ERAP2: variants seen among roughly 807,000 people sequenced by gnomAD.
ERAP2 encodes the protein endoplasmic reticulum aminopeptidase 2, also known as leukocyte-derived arginine aminopeptidase.
A neutral mutation model predicts 111.1 loss-of-function variants in ERAP2; 118 were observed. The ratio of observed to expected loss-of-function variants is 1.06; its 90% CI spans 0.92 to 1.24. The LOEUF is 1.24. ERAP2 is among the 50% of genes most tolerant of loss of function. The probability of loss-of-function intolerance (pLI) is 0.00; values close to 1 mark genes in which losing one functional copy is unlikely to be tolerated. For synonymous variants in ERAP2, 410 were observed against 401.2 expected, an observed-to-expected ratio of 1.02 and a Z score of -0.26; for missense variants, 1,131 against 1,125.8, an observed-to-expected ratio of 1.00 and a Z score of -0.07.
chr5:96,889,423 G>GA, intron 5 of ERAP2, 118 bp downstream of exon 5: 1 of 1,172,856 alleles, frequency 8.5e-7, no homozygotes, highest in Non-Finnish European at 1.3e-6. Context: ...GTTAGCTCAG[G>GA]AAAAAATAAT....
intron 18 of ERAP2, 154 bp downstream of exon 18, chr5:96,915,923 G>T: frequency 1.8e-6 from 1 of 549,066 alleles, no homozygotes; most frequent in South Asian, 2.6e-5. Context: ...GAAGGGACAG[G>T]ATTAAAACCT....
intron 13 of ERAP2, among the ~76,000 whole-genome samples, chr5:96,907,339 A>G: frequency 6.6e-6 from 1 of 152,372 alleles, no homozygotes; most frequent in East Asian, 1.9e-4. Flanking sequence ...TAAAAGAAAT[A>G]GGCAACTATA....
chr5:96,881,408 G>A, intron 2 of ERAP2: 1 of 456,144 alleles, frequency 2.2e-6, no homozygotes, highest in Non-Finnish European at 4.4e-6. Context: ...TGTGAGGTGA[G>A]GGAAATAGAA....
chr5:96,905,486 C>G (rs1785960824), intron 13 of ERAP2, among the ~76,000 whole-genome samples: 1 of 152,040 alleles, frequency 6.6e-6, no homozygotes, highest in Non-Finnish European at 1.5e-5. Context: ...TATAAGAAAA[C>G]AATTTAAAGC....
At chr5:96,908,927 T>C in intron 13 of ERAP2, 34 bp from the exon 14 acceptor site, 1 of 1,591,170 alleles carries the variant, frequency 6.3e-7, no homozygotes, top group African/African-American at 1.4e-5. Context: ...CTATAAGATA[T>C]GCACAAACCA....
At position 96,909,633 on chromosome 5, in the gene ERAP2, C is replaced by G; in HGVS notation, c.2223C>G (p.Asp741Glu). The G allele has an allele frequency of 2.5e-6, 4 of 1,614,144 alleles. No homozygotes were observed. The highest frequency in any genetic ancestry group is 3.4e-6 in the Non-Finnish European group (4 of 1,180,032). ...KPVIDRQSWS[D>E]KGSVWDRMLR... ...TGATTGACAGGCAAAGCTGGAGTGA[C>G]AAGGGCTCAGTCTGGGACAGGATGC... is the stretch of plus-strand genomic sequence containing the variant. Residue 741 changes from aspartate to glutamate, a missense_variant, in exon 15 of 19, where the codon GAC becomes GAG. Transcript: ENST00000437043.
In ERAP2 at chr5:96,913,387, G is replaced by T; in HGVS notation, c.2587G>T (p.Ala863Ser). ...CTTGGCAGCTCTCCTTCATGCGATT[G>T]CCAGACGTCCAAAGGGGCAGCAACT... Reference protein sequence around the residue: ...QNLAALLHAIARRPKGQQLAW... With the variant: ...QNLAALLHAISRRPKGQQLAW... The change falls in exon 17 of 19, where the codon GCC becomes TCC. Residue 863 changes from alanine to serine, a missense_variant. Ala to Ser is a moderately conservative substitution (Grantham distance 99). This residue lies in a region of ERAP2 where 279 missense variants were observed against 250.9 expected (regional missense o/e 1.11). Transcript: ENST00000437043. The T allele has an allele frequency of 6.2e-7, 1 of 1,614,082 alleles. No individual in the cohort carries two copies. Among genetic ancestry groups the T allele is most frequent in the Non-Finnish European group, 8.5e-7 (1 of 1,179,950 alleles).
At position 96,917,451 on chromosome 5, in the gene ERAP2, A is replaced by G; in HGVS notation, c.2740-11A>G. The G allele has an allele frequency of 1.2e-6, 2 of 1,607,290 alleles. No homozygotes were observed. Among genetic ancestry groups the G allele is most frequent in the Non-Finnish European group, 1.7e-6 (2 of 1,177,012 alleles). ...AAAGTGTTAGTAATTTTTTTCTTCA[A>G]TATTTTACAGGTGAAACTATTTTTT... On this transcript the variant is annotated splice_polypyrimidine_tract_variant and intron_variant, in intron 18 of 18. Transcript: ENST00000437043.
Position 96,909,083 on chromosome 5 carries a change from G to T in ERAP2, c.2135G>T (p.Arg712Ile). The change falls in exon 14 of 19, where the codon AGA becomes ATA. Residue 712 changes from arginine (R) to isoleucine (I), a missense_variant. Arg to Ile is a moderately conservative substitution (Grantham distance 97). Around this residue, in one of 3 missense-constraint regions of ERAP2, gnomAD observed 847 missense variants for 856.5 expected, o/e 0.99. Coordinates refer to ENST00000437043, the MANE Select transcript of ERAP2 (RefSeq NM_022350.5). ...GAATCGTTTTACCACATGATGGACA[G>T]AAGGAATATTTCAGATATCTCTGAA... ...YLESFYHMMD[R>I]RNISDISENL... is the part of the protein sequence containing the mutation. 1.2e-6 allele frequency: 2 copies of T among 1,614,140 alleles called. No individual in the cohort carries two copies. The highest frequency in any genetic ancestry group is 1.7e-6 in the Non-Finnish European group (2 of 1,179,986).
At chr5:96,903,641 A>G (rs994521151) in intron 13 of ERAP2, 81 bp downstream of exon 13, 10 of 1,287,072 alleles carry the variant, frequency 7.8e-6, no homozygotes, top group Non-Finnish European at 7.5e-6. Flanking sequence ...TGAATGTTCA[A>G]CATTGGTCAT....
At position 96,877,135 on chromosome 5, in the gene ERAP2, C is replaced by T. The variant is rs537161491; in HGVS notation, c.-123+608C>T. ...GACTACGGGCATGTGCCACCATGCCCGGCTAATTTTTGTATTTTTAGTAGA... is the reference window on the plus strand; with the variant it reads ...GACTACGGGCATGTGCCACCATGCCTGGCTAATTTTTGTATTTTTAGTAGA... On this transcript the variant is annotated intron_variant, in intron 1 of 18. Transcript: ENST00000437043. 1.3e-4 allele frequency among the ~76,000 whole-genome samples: 20 copies of T among 152,130 alleles called. 1 individual carries two copies. In the South Asian group the frequency reaches 4.2e-3, roughly 32 times the overall value.
intron 1 of ERAP2, among the ~76,000 whole-genome samples, chr5:96,878,304 A>T (rs1015237271): frequency 6.6e-6 from 1 of 152,208 alleles, no homozygotes; most frequent in Non-Finnish European, 1.5e-5. Context: ...TAAACTGGGG[A>T]TAAATACCTA....
intron 1 of ERAP2, among the ~76,000 whole-genome samples, chr5:96,877,936 T>G (rs189102952): frequency 6.6e-6 from 1 of 152,218 alleles, no homozygotes; most frequent in Admixed American, 6.5e-5. Context: ...ATTGAAGTAA[T>G]TGTTTGGATA....
At position 96,883,898 on chromosome 5, in the gene ERAP2, AGC is replaced by A; in HGVS notation, c.683_684del (p.Ser228LysfsTer12). On this transcript the variant is annotated frameshift_variant, in exon 3 of 19. Transcript: ENST00000437043. LOFTEE classifies it high-confidence loss of function. ...ANFSIKIRRE[S>X]RHIALSNMPK... is the part of the protein sequence containing the mutation. ...CTTTTCAATCAAGATACGAAGAGAG[AGC>A]AGGCATATTGCACTATCCAACATGC... 6.2e-7 allele frequency: 1 copy of A among 1,613,512 alleles called. No homozygotes were observed. The highest frequency in any genetic ancestry group is 8.5e-7 in the Non-Finnish European group (1 of 1,179,752).
rs11371784 is a variant in ERAP2 at position 96,888,129 on chromosome 5, G to GAA, written c.850-1046_850-1045dup. Among the ~76,000 whole-genome samples the GAA allele has an allele frequency of 6.3e-4, 82 of 130,036 alleles. 1 individual carries two copies. Among genetic ancestry groups the GAA allele is most frequent in the African/African-American group, 1.4e-3 (51 of 35,288 alleles). 85.3% of individuals were successfully genotyped at this position (130,036 alleles called of 152,430 possible). Reference sequence around the variant, plus strand: ...ACAAGAGTGAGACTTCATCTCAAAAGAAAAAAAAAAAGAAAGAAAAGAATA... The same window carrying GAA: ...ACAAGAGTGAGACTTCATCTCAAAAGAAAAAAAAAAAAAGAAAGAAAAGAATA... On this transcript the variant is annotated intron_variant, in intron 4 of 18. Transcript: ENST00000437043.
At chr5:96,889,964 A>G (rs930868903) in intron 5 of ERAP2, among the ~76,000 whole-genome samples, 1 of 152,144 alleles carries the variant, frequency 6.6e-6, no homozygotes, top group Non-Finnish European at 1.5e-5. Flanking sequence ...GTTTATGTAG[A>G]GAGAGAACTG....
intron 6 of ERAP2, among the ~76,000 whole-genome samples, chr5:96,894,686 C>CTAGTGG (rs1231950197): frequency 6.6e-6 from 1 of 151,920 alleles, no homozygotes; most frequent in Non-Finnish European, 1.5e-5. Flanking sequence ...TTTATTGTTT[C>CTAGTGG]TAGTGGCCCA....
chr5:96,913,603 T>C, intron 17 of ERAP2, 146 bp downstream of exon 17: 1 of 911,452 alleles, frequency 1.1e-6, no homozygotes, highest in Non-Finnish European at 1.7e-6. Flanking sequence ...TGAAACTCCC[T>C]AGCCCAAATT....
intron 3 of ERAP2, 95 bp downstream of exon 3, chr5:96,884,025 A>T (rs1267393722): frequency 2.2e-5 from 27 of 1,205,328 alleles, no homozygotes; most frequent in Non-Finnish European, 2.9e-5. Flanking sequence ...TTCAGCCATT[A>T]ATTTGTTTTT....
Sources: allele counts gnomAD v4.1 joint callset (sites outside exome capture counted in the v4.1 genomes callset), GRCh38; gene constraint gnomAD v4.1.1; regional missense constraint gnomAD v4.1.1; transcripts MANE v1.5; gene names NCBI Gene and HGNC (gene_info 2026-07-23, HGNC 2026-07-21).